DNMT3L: variants seen among roughly 807,000 people sequenced by gnomAD.
DNMT3L encodes DNA methyltransferase 3 like.
In DNMT3L, 33 loss-of-function variants were observed where a neutral mutation model predicts 36.2. That is an observed-to-expected ratio of 0.91 (90% confidence interval 0.69 to 1.22). DNMT3L has a LOEUF of 1.22. Ranked by LOEUF, DNMT3L falls within the 50% of genes most tolerant of loss-of-function variation. DNMT3L has a pLI of 0.00. For missense variants in DNMT3L, 310 were observed against 303.1 expected (o/e 1.02, Z -0.17); for synonymous variants, 117 against 121.7 (o/e 0.96, Z 0.26).
At chr21:44,260,925 G>T in intron 2 of DNMT3L, 86 bp from the exon 3 acceptor site, 1 of 1,597,924 alleles carries the variant, frequency 6.3e-7, no homozygotes, top group Non-Finnish European at 8.6e-7. Flanking sequence ...ATCACAATTC[G>T]TTTTCCAAAG....
In DNMT3L at chr21:44,258,499, G is replaced by A; in HGVS notation, c.516+24C>T. ...AAGTCAGGGCCTGCTGCTGCCGGGT[G>A]CTGCCCCTCCACGGGCTCCTTACCG... is the stretch of plus-strand genomic sequence containing the variant. On this transcript the variant is annotated intron_variant, in intron 6 of 11. Coordinates refer to ENST00000628202, the MANE Select transcript of DNMT3L (RefSeq NM_175867.3). This position sits in a 1 kb window ranked among gnomAD's most constrained non-coding sequence, Gnocchi z 6.2. 1 of 1,531,192 alleles carries A rather than the reference G, an allele frequency of 6.5e-7. No individual in the cohort carries two copies. Among genetic ancestry groups the A allele is most frequent in the Non-Finnish European group, 8.8e-7 (1 of 1,134,200 alleles). The allele number at this position is 1,531,192 out of a possible 1,614,324, so 94.9% of individuals were successfully genotyped here. A position where few individuals can be genotyped will look rare whatever the true frequency, so the allele number is the denominator to read the frequency against.
Position 44,258,403 on chromosome 21 carries a change from G to C in DNMT3L, c.516+120C>G. 7.4e-7 allele frequency: 1 copy of C among 1,353,718 alleles called. No homozygotes were observed. Among genetic ancestry groups the C allele is most frequent in the Non-Finnish European group, 9.8e-7 (1 of 1,018,914 alleles). 83.9% of individuals were successfully genotyped at this position (1,353,718 alleles called of 1,614,324 possible). ...GAGAGGAACCCAGGAAAGAGTGTTT[G>C]CTCCCGAGGCTGCAGCCGTGGTGCC... On this transcript the variant is annotated intron_variant, in intron 6 of 11. Coordinates refer to ENST00000628202, the MANE Select transcript of DNMT3L (RefSeq NM_175867.3). The surrounding 1 kb of genome is among the most constrained non-coding windows in gnomAD (Gnocchi z 6.2).
At chr21:44,254,957 C>G (rs1278021893) in intron 7 of DNMT3L, among the ~76,000 whole-genome samples, 1 of 152,124 alleles carries the variant, frequency 6.6e-6, no homozygotes, top group African/African-American at 2.4e-5. Flanking sequence ...TCCCGAGTAG[C>G]TGGGACTACA....
intron 3 of DNMT3L, 119 bp from the exon 4 acceptor site, chr21:44,259,830 G>A: frequency 2.9e-6 from 3 of 1,019,744 alleles, no homozygotes; most frequent in Non-Finnish European, 4.4e-6. Flanking sequence ...GCAAAGTATT[G>A]TTGGAAGATG....
Position 44,258,438 on chromosome 21 carries a change from G to T in DNMT3L, c.516+85C>A. 1 of 1,453,760 alleles carries T rather than the reference G, an allele frequency of 6.9e-7. No individual in the cohort carries two copies. The highest frequency in any genetic ancestry group is 9.1e-7 in the Non-Finnish European group (1 of 1,095,762). 90.1% of individuals were successfully genotyped at this position (1,453,760 alleles called of 1,614,324 possible). On this transcript the variant is annotated intron_variant, in intron 6 of 11. Coordinates refer to ENST00000628202, the MANE Select transcript of DNMT3L (RefSeq NM_175867.3). This position sits in a 1 kb window ranked among gnomAD's most constrained non-coding sequence, Gnocchi z 6.2. Reference sequence around the variant, plus strand: ...CTGCAGCCGTGGTGCCCGTCGGCGCGCCTGCATTCTGCAGCGGGAACCGAG... The same window carrying T: ...CTGCAGCCGTGGTGCCCGTCGGCGCTCCTGCATTCTGCAGCGGGAACCGAG...
At chr21:44,259,409 AC>A (rs747400888) in intron 5 of DNMT3L, 27 bp downstream of exon 5, 15 of 1,609,816 alleles carry the variant, frequency 9.3e-6, no homozygotes, top group Non-Finnish European at 1.2e-5. Flanking sequence ...CAGCCCCTTC[AC>A]CCCCCTGGGC....
In DNMT3L at chr21:44,259,644, G is replaced by A. The variant is rs138041176; in HGVS notation, c.219C>T (p.Cys73=). 4.8e-3 allele frequency: 7,711 copies of A among 1,613,020 alleles called. 21 individuals carry two copies. The highest frequency in any genetic ancestry group is 5.9e-3 in the Non-Finnish European group (6,942 of 1,179,720). The change falls in exon 4 of 12, where the codon TGC becomes TGT. Residue 73 remains cysteine (C), a synonymous_variant. Transcript: ENST00000628202. ...CCTCCCTGCCTACCTTACATGGGGC[G>A]CAGATCCCTCCCTCAAACAGAGGGT... The part of the protein sequence containing the change: ...TQHPLFEGGI[C]APCKDKFLDA...
intron 6 of DNMT3L, among the ~76,000 whole-genome samples, chr21:44,256,980 G>GAGAA (rs113872618): frequency 0.1 from 15,514 of 152,274 alleles, 941 homozygotes; most frequent in Middle Eastern, 0.18. Flanking sequence ...CTGGAGGCCA[G>GAGAA]TGCAGTTTCA....
At chr21:44,254,165 G>A (rs1298349768) in intron 8 of DNMT3L, among the ~76,000 whole-genome samples, 1 of 152,232 alleles carries the variant, frequency 6.6e-6, no homozygotes, top group Non-Finnish European at 1.5e-5. Flanking sequence ...GCAGCGGGAG[G>A]ATGCTTTCAA....
In DNMT3L at chr21:44,258,432, C is replaced by T. The variant is rs556476312; in HGVS notation, c.516+91G>A. 67 of 1,442,524 alleles carry T rather than the reference C, an allele frequency of 4.6e-5. No homozygotes were observed. Among genetic ancestry groups the T allele is most frequent in the Non-Finnish European group, 5.2e-5 (57 of 1,090,286 alleles). The allele number at this position is 1,442,524 out of a possible 1,614,324, so 89.4% of individuals were successfully genotyped here. A position where few individuals can be genotyped will look rare whatever the true frequency, so the allele number is the denominator to read the frequency against. The stretch of plus-strand genomic sequence containing the variant: ...CCGAGGCTGCAGCCGTGGTGCCCGT[C>T]GGCGCGCCTGCATTCTGCAGCGGGA... On this transcript the variant is annotated intron_variant, in intron 6 of 11. Transcript: ENST00000628202. This position sits in a 1 kb window ranked among gnomAD's most constrained non-coding sequence, Gnocchi z 6.2.
chr21:44,258,449 G>A lies in DNMT3L; in HGVS notation c.516+74C>T. The A allele has an allele frequency of 2.0e-6, 3 of 1,469,680 alleles. No homozygotes were observed. The South Asian group carries it at 4.1e-5, about 20-fold the overall frequency. 91.0% of individuals were successfully genotyped at this position (1,469,680 alleles called of 1,614,324 possible). A position where few individuals can be genotyped will look rare whatever the true frequency, so the allele number is the denominator to read the frequency against. On this transcript the variant is annotated intron_variant, in intron 6 of 11. Transcript: ENST00000628202. This position sits in a 1 kb window ranked among gnomAD's most constrained non-coding sequence, Gnocchi z 6.2. ...GTGCCCGTCGGCGCGCCTGCATTCT[G>A]CAGCGGGAACCGAGGGAAGGCCGTA...
Position 44,261,043 on chromosome 21 carries a change from C to G in DNMT3L, c.106+111G>C, listed in dbSNP as rs371362613. The stretch of plus-strand genomic sequence containing the variant: ...TGGGTGGGGAACCTCCTGCCCCAGC[C>G]CGGGTGCCTGAATAATGCATGAATA... On this transcript the variant is annotated intron_variant, in intron 2 of 11. Transcript: ENST00000628202. 8.6e-5 allele frequency: 124 copies of G among 1,435,304 alleles called. 1 individual carries two copies. Among genetic ancestry groups the G allele is most frequent in the East Asian group, 8.2e-4 (36 of 43,884 alleles). The allele number at this position is 1,435,304 out of a possible 1,614,324, so 88.9% of individuals were successfully genotyped here.
chr21:44,256,504 A>G (rs1214867705), intron 6 of DNMT3L, among the ~76,000 whole-genome samples: 3 of 149,804 alleles, frequency 2.0e-5, no homozygotes, highest in Non-Finnish European at 2.9e-5. Context: ...GCTCACTGCA[A>G]CTTTCCGCCT....
intron 5 of DNMT3L, among the ~76,000 whole-genome samples, chr21:44,259,137 G>A (rs2040291839): frequency 6.6e-6 from 1 of 152,144 alleles, no homozygotes; most frequent in Non-Finnish European, 1.5e-5. Context: ...TGAGGGGTGA[G>A]CATACCCCTT....
intron 1 of DNMT3L, among the ~76,000 whole-genome samples, 157 bp downstream of exon 1, chr21:44,261,583 C>A (rs1461198744): frequency 6.6e-6 from 1 of 152,214 alleles, no homozygotes; most frequent in African/African-American, 2.4e-5. Flanking sequence ...GCCGCTGCAG[C>A]CCCTGCTTTC....
Position 44,256,157 on chromosome 21 carries a change from A to G in DNMT3L, c.517-3T>C. ...TCGAACATCTCAAGGGGATTCTCCT[A>G]TTTATTAAAAAACCAAAACAGGACA... On this transcript the variant is annotated splice_polypyrimidine_tract_variant and splice_region_variant and intron_variant, in intron 6 of 11. Transcript: ENST00000628202. 1 of 1,613,754 alleles carries G rather than the reference A, an allele frequency of 6.2e-7. No individual in the cohort carries two copies. Among genetic ancestry groups the G allele is most frequent in the African/African-American group, 1.3e-5 (1 of 75,010 alleles).
At chr21:44,260,751 C>A (rs2146360193) in intron 3 of DNMT3L, 44 bp downstream of exon 3, 1 of 1,612,310 alleles carries the variant, frequency 6.2e-7, no homozygotes, top group East Asian at 2.2e-5. Context: ...AGCCACTGTG[C>A]CCCGTCTCTT....
At chr21:44,257,695 AATAAATAAAT>A (rs2040274161) in intron 6 of DNMT3L, among the ~76,000 whole-genome samples, 1 of 87,548 alleles carries the variant, frequency 1.1e-5, no homozygotes, top group African/African-American at 6.3e-5. Flanking sequence ...AAAAAAAAAA[AATAAATAAAT>A]AAATAAATAA....
At chr21:44,260,514 G>C (rs2040307963) in intron 3 of DNMT3L, among the ~76,000 whole-genome samples, 1 of 152,198 alleles carries the variant, frequency 6.6e-6, no homozygotes, top group South Asian at 2.1e-4. Flanking sequence ...GTGCAGTGGT[G>C]TTATCATAGC....
Sources: gnomAD v4.1 joint callset for allele counts (sites outside exome capture counted in the v4.1 genomes callset) on GRCh38, gnomAD v4.1.1 for gene constraint, Gnocchi (gnomAD v3.1) non-coding constraint, MANE v1.5 for transcripts, NCBI Gene and HGNC (gene_info 2026-07-23, HGNC 2026-07-21) for gene names.